SLC35F4: variants seen among roughly 807,000 people sequenced by gnomAD.
SLC35F4 encodes the protein chromosome 14 open reading frame 36.
In SLC35F4, 24 loss-of-function variants were observed where a neutral mutation model predicts 44.2. The observed-to-expected ratio is 0.54, with a 90% CI of 0.39 to 0.76. The LOEUF is 0.76. Among genes scored for constraint, SLC35F4 ranks in the 30% least tolerant of loss-of-function variants. The pLI is 0.00. For synonymous variants in SLC35F4, 238 were observed against 223.6 expected (o/e 1.06, Z -0.57); for missense variants, 562 against 586.1 (o/e 0.96, Z 0.42).
chr14:57,815,725 C>T (rs1465477987), intron 1 of SLC35F4, among the ~76,000 whole-genome samples: 8 of 152,066 alleles, frequency 5.3e-5, no homozygotes, highest in African/African-American at 1.9e-4. Context: ...GTCCCTCACC[C>T]AAAACTCCCC....
chr14:57,622,218 T>A (rs2072221318), intron 1 of SLC35F4, among the ~76,000 whole-genome samples: 2 of 121,710 alleles, frequency 1.6e-5, no homozygotes, highest in South Asian at 5.5e-4. Flanking sequence ...ACACTGTTGA[T>A]GGCACTGTAA....
chr14:57,643,147 G>GA (rs548145254), intron 1 of SLC35F4, among the ~76,000 whole-genome samples: 29 of 145,778 alleles, frequency 2.0e-4, no homozygotes, highest in South Asian at 6.5e-4. Flanking sequence ...ACCACCTTCA[G>GA]AAAAAAAAAA....
At chr14:57,592,275 T>C (rs71414164) in intron 2 of SLC35F4, among the ~76,000 whole-genome samples, 1 of 152,256 alleles carries the variant, frequency 6.6e-6, no homozygotes, top group African/African-American at 2.4e-5. Context: ...ATTCCTTTCT[T>C]AGCTTCTTTA....
chr14:57,790,691 G>A (rs553841855), intron 1 of SLC35F4, among the ~76,000 whole-genome samples: 3 of 152,024 alleles, frequency 2.0e-5, no homozygotes, highest in East Asian at 1.9e-4. Context: ...AATCCTAAGC[G>A]AAAAGAACAA....
chr14:57,810,332 C>A (rs1218149487), intron 1 of SLC35F4, among the ~76,000 whole-genome samples: 1 of 152,192 alleles, frequency 6.6e-6, no homozygotes, highest in Non-Finnish European at 1.5e-5. Context: ...TGGACAGGTA[C>A]TATAATAAGA....
At chr14:57,830,320 G>C (rs1884237733) in intron 1 of SLC35F4, among the ~76,000 whole-genome samples, 2 of 152,150 alleles carry the variant, frequency 1.3e-5, no homozygotes, top group South Asian at 4.1e-4. Context: ...CCACCTCATT[G>C]AGTCACTGTG....
At chr14:57,697,474 C>A (rs1372225473) in intron 1 of SLC35F4, among the ~76,000 whole-genome samples, 1 of 151,964 alleles carries the variant, frequency 6.6e-6, no homozygotes, top group Non-Finnish European at 1.5e-5. Context: ...CCGAGGCGGG[C>A]AGATTGCTTT....
intron 1 of SLC35F4, among the ~76,000 whole-genome samples, chr14:57,936,159 T>C (rs1242641104): frequency 6.6e-6 from 1 of 152,240 alleles, no homozygotes; most frequent in Admixed American, 6.5e-5. Context: ...TCTCTCTTAG[T>C]AATTTCACAT....
intron 1 of SLC35F4, among the ~76,000 whole-genome samples, chr14:57,978,020 G>A (rs1299314227): frequency 2.0e-5 from 3 of 152,162 alleles, no homozygotes; most frequent in Non-Finnish European, 4.4e-5. Context: ...AGAAAGTCTG[G>A]AGAAAGGGCA....
At chr14:57,762,274 AAAC>A (rs1301674063) in intron 1 of SLC35F4, among the ~76,000 whole-genome samples, 3 of 152,146 alleles carry the variant, frequency 2.0e-5, no homozygotes, top group African/African-American at 7.2e-5. Flanking sequence ...CAGCATAATA[AAAC>A]AACAAGTTCC....
chr14:57,592,514 A>G (rs1472255479), intron 2 of SLC35F4, among the ~76,000 whole-genome samples: 1 of 152,198 alleles, frequency 6.6e-6, no homozygotes, highest in Non-Finnish European at 1.5e-5. Flanking sequence ...TACATAGGGC[A>G]TATCTTTATT....
At chr14:57,869,968 G>A (rs888960983), upstream of SLC35F4, among the ~76,000 whole-genome samples, 1 of 152,206 alleles carries the variant, frequency 6.6e-6, no homozygotes, top group African/African-American at 2.4e-5. Flanking sequence ...TGTATGAGAA[G>A]ACAGGGCAGA....
intron 1 of SLC35F4, among the ~76,000 whole-genome samples, chr14:57,847,811 T>A (rs1453309519): frequency 1.3e-5 from 2 of 152,224 alleles, no homozygotes; most frequent in East Asian, 3.9e-4. Flanking sequence ...TCTGCCACTA[T>A]GAATATGCCA....
intron 1 of SLC35F4, among the ~76,000 whole-genome samples, chr14:57,703,183 A>C (rs917605037): frequency 6.6e-6 from 1 of 152,182 alleles, no homozygotes; most frequent in African/African-American, 2.4e-5. Flanking sequence ...TCGTCCATCA[A>C]CTTCATCTTC....
At chr14:57,945,503 C>G (rs1267239099) in intron 1 of SLC35F4, among the ~76,000 whole-genome samples, 2 of 108,716 alleles carry the variant, frequency 1.8e-5, no homozygotes, top group African/African-American at 9.2e-5. Flanking sequence ...ATCACATTTT[C>G]TTTATCCACT....
intron 1 of SLC35F4, among the ~76,000 whole-genome samples, chr14:57,611,301 G>A (rs536783666): frequency 6.6e-6 from 1 of 152,290 alleles, no homozygotes; most frequent in South Asian, 2.1e-4. Context: ...CTGCTAGGCA[G>A]CTAGATAAAT....
intron 1 of SLC35F4, among the ~76,000 whole-genome samples, chr14:57,739,516 G>T (rs1192511893): frequency 6.6e-6 from 1 of 152,182 alleles, no homozygotes; most frequent in Non-Finnish European, 1.5e-5. Context: ...AATATCAAAT[G>T]GGTGATTTTT....
chr14:57,890,332 G>T (rs1037238141), intron 1 of SLC35F4, among the ~76,000 whole-genome samples: 2 of 152,156 alleles, frequency 1.3e-5, no homozygotes, highest in African/African-American at 4.8e-5. Flanking sequence ...ACCCAAGAGG[G>T]TTGAAAATTA....
chr14:57,842,873 T>G (rs941968802), intron 1 of SLC35F4, among the ~76,000 whole-genome samples: 1 of 152,152 alleles, frequency 6.6e-6, no homozygotes, highest in Non-Finnish European at 1.5e-5. Flanking sequence ...CTCAATCTGG[T>G]GGGCACCACC....
Sources: allele counts gnomAD v4.1 joint callset (sites outside exome capture counted in the v4.1 genomes callset), GRCh38; gene constraint gnomAD v4.1.1; transcripts MANE v1.5; gene names NCBI Gene and HGNC (gene_info 2026-07-23, HGNC 2026-07-21).